NSMCE2: variants seen among roughly 807,000 people sequenced by gnomAD.
NSMCE2 encodes NSE2 SUMO ligase component of SMC5/6 complex, also known as E3 SUMO-protein ligase NSE2.
NSMCE2 carries 24 observed loss-of-function variants against 23.8 expected under a neutral mutation model. The observed-to-expected ratio is 1.01, with a 90% confidence interval of 0.73 to 1.42. The LOEUF (loss-of-function observed/expected upper bound fraction) is 1.42, where lower values mean the gene tolerates loss of function less well. Among genes scored for constraint, NSMCE2 ranks in the 40% most tolerant of loss-of-function variants. NSMCE2 has a pLI of 0.00. For synonymous variants in NSMCE2, 92 were observed against 94.1 expected (o/e 0.98, Z 0.13); for missense variants, 284 against 296.5 (o/e 0.96, Z 0.31).
chr8:125,223,864 T>C (rs1379395273), intron 5 of NSMCE2, among the ~76,000 whole-genome samples: 1 of 146,788 alleles, frequency 6.8e-6, no homozygotes, highest in Non-Finnish European at 1.5e-5. Flanking sequence ...CAGGCTGGAG[T>C]ATAGTGGCGC....
intron 5 of NSMCE2, among the ~76,000 whole-genome samples, chr8:125,353,430 G>A (rs1175885071): frequency 6.6e-6 from 1 of 152,132 alleles, no homozygotes; most frequent in African/African-American, 2.4e-5. Context: ...TGAAGAGTCA[G>A]TGGATTGATA....
chr8:125,152,218 T>A (rs1189487742), intron 4 of NSMCE2, among the ~76,000 whole-genome samples: 1 of 152,218 alleles, frequency 6.6e-6, no homozygotes, highest in Non-Finnish European at 1.5e-5. Flanking sequence ...GCTTGTAAAA[T>A]TTTGACGTTT....
chr8:125,127,322 G>C (rs534918227), intron 3 of NSMCE2, among the ~76,000 whole-genome samples: 1 of 152,264 alleles, frequency 6.6e-6, no homozygotes, highest in African/African-American at 2.4e-5. Context: ...TGCTGAGGTT[G>C]GGGGAGTACA....
chr8:125,214,888 T>G (rs1012823085), intron 5 of NSMCE2, among the ~76,000 whole-genome samples: 1 of 152,136 alleles, frequency 6.6e-6, no homozygotes, highest in Admixed American at 6.5e-5. Flanking sequence ...TGAGATTAGG[T>G]ACGTTCACAC....
intron 3 of NSMCE2, among the ~76,000 whole-genome samples, chr8:125,110,254 G>A (rs943108923): frequency 1.3e-5 from 2 of 152,164 alleles, no homozygotes; most frequent in African/African-American, 4.8e-5. Context: ...TGTGCATGAG[G>A]ATTAAAAGTT....
intron 5 of NSMCE2, among the ~76,000 whole-genome samples, chr8:125,188,643 T>G (rs1823214509): frequency 6.6e-6 from 1 of 152,174 alleles, no homozygotes; most frequent in South Asian, 2.1e-4. Flanking sequence ...TATAATTTTT[T>G]TAGTGCCTTA....
intron 5 of NSMCE2, among the ~76,000 whole-genome samples, chr8:125,324,296 C>A (rs1329182781): frequency 6.6e-6 from 1 of 152,130 alleles, no homozygotes; most frequent in African/African-American, 2.4e-5. Flanking sequence ...AGGCATCCCA[C>A]TTCGAGATAT....
At chr8:125,113,711 G>A (rs967453799) in intron 3 of NSMCE2, among the ~76,000 whole-genome samples, 8 of 152,142 alleles carry the variant, frequency 5.3e-5, no homozygotes, top group Admixed American at 2.6e-4. Flanking sequence ...CATTTCCCCC[G>A]TCATCCTCTC....
chr8:125,219,060 A>G (rs1333583244), intron 5 of NSMCE2, among the ~76,000 whole-genome samples: 3 of 152,208 alleles, frequency 2.0e-5, no homozygotes, highest in Non-Finnish European at 2.9e-5. Context: ...GATTCTTAAT[A>G]TAGAGCCAGA....
intron 5 of NSMCE2, among the ~76,000 whole-genome samples, chr8:125,254,605 A>ATT (rs34565896): frequency 2.3e-4 from 34 of 148,178 alleles, no homozygotes; most frequent in Non-Finnish European, 3.0e-4. Context: ...TTTACCTCAG[A>ATT]TTTTTTTTTT....
chr8:125,269,425 C>G (rs1033347475), intron 5 of NSMCE2, among the ~76,000 whole-genome samples: 2 of 152,126 alleles, frequency 1.3e-5, no homozygotes, highest in Admixed American at 1.3e-4. Context: ...TCATATATGG[C>G]TGATTTGGTC....
At chr8:125,362,100 C>G (rs939789994) in intron 7 of NSMCE2, among the ~76,000 whole-genome samples, 1 of 152,222 alleles carries the variant, frequency 6.6e-6, no homozygotes, top group African/African-American at 2.4e-5. Context: ...GGGACCCAGC[C>G]GCTCCTGCGA....
chr8:125,252,404 G>A (rs1826233570), intron 5 of NSMCE2, among the ~76,000 whole-genome samples: 1 of 152,160 alleles, frequency 6.6e-6, no homozygotes, highest in Non-Finnish European at 1.5e-5. Context: ...GTGGGTGCCT[G>A]TAGTCCCAGC....
intron 5 of NSMCE2, among the ~76,000 whole-genome samples, chr8:125,221,824 A>C (rs987876137): frequency 6.6e-6 from 1 of 152,212 alleles, no homozygotes; most frequent in Non-Finnish European, 1.5e-5. Flanking sequence ...AATTTTCCAC[A>C]TGTGGCAATG....
intron 3 of NSMCE2, among the ~76,000 whole-genome samples, chr8:125,125,603 G>A (rs1481409998): frequency 6.6e-6 from 1 of 152,206 alleles, no homozygotes; most frequent in African/African-American, 2.4e-5. Flanking sequence ...CTGGAAATGA[G>A]GACATTAATG....
At chr8:125,295,723 G>A (rs993596112) in intron 5 of NSMCE2, among the ~76,000 whole-genome samples, 1 of 152,154 alleles carries the variant, frequency 6.6e-6, no homozygotes, top group African/African-American at 2.4e-5. Context: ...ATAGTTGGAA[G>A]GAATAGTTGG....
intron 5 of NSMCE2, among the ~76,000 whole-genome samples, chr8:125,252,391 G>C (rs575900991): frequency 5.9e-5 from 9 of 152,248 alleles, no homozygotes; most frequent in African/African-American, 2.2e-4. Context: ...GCTGGATGTG[G>C]TGGTGGGTGC....
At chr8:125,177,964 C>T (rs1822578978) in intron 4 of NSMCE2, among the ~76,000 whole-genome samples, 1 of 152,326 alleles carries the variant, frequency 6.6e-6, no homozygotes, top group Middle Eastern at 3.4e-3. Flanking sequence ...TAGCTGTCCA[C>T]ATTAAATATC....
At chr8:125,303,515 C>T (rs1232591448) in intron 5 of NSMCE2, among the ~76,000 whole-genome samples, 2 of 152,092 alleles carry the variant, frequency 1.3e-5, no homozygotes, top group African/African-American at 4.8e-5. Context: ...AAATTAACTG[C>T]TTATTTTGTG....
Sources: allele counts gnomAD v4.1 joint callset (sites outside exome capture counted in the v4.1 genomes callset), GRCh38; gene constraint gnomAD v4.1.1; transcripts MANE v1.5; gene names NCBI Gene and HGNC (gene_info 2026-07-23, HGNC 2026-07-21).